Variants in SLX9 observed in about 807,000 individuals in gnomAD.
The protein encoded by SLX9 is SLX9 ribosome biogenesis factor, also known as ribosome biogenesis protein SLX9 homolog.
A neutral mutation model predicts 20.8 loss-of-function variants in SLX9; 19 were observed. The observed-to-expected ratio is 0.91, with a 90% CI of 0.64 to 1.34. The LOEUF (loss-of-function observed/expected upper bound fraction) is 1.34, where lower values mean the gene tolerates loss of function less well. Ranked by LOEUF, SLX9 falls within the 40% of genes most tolerant of loss-of-function variation. The pLI, the probability that SLX9 is intolerant of heterozygous loss-of-function variation, is 0.00. For missense variants in SLX9, 299 were observed against 322.2 expected, an observed-to-expected ratio of 0.93 and a Z score of 0.55; for synonymous variants, 113 against 137.1, an observed-to-expected ratio of 0.82 and a Z score of 1.23.
intron 2 of SLX9, among the ~76,000 whole-genome samples, chr21:44,945,843 G>A (rs1037461624): frequency 3.3e-5 from 5 of 152,180 alleles, no homozygotes; most frequent in Admixed American, 1.3e-4. Flanking sequence ...CCTGAGTAGC[G>A]GGGACGGGAC....
intron 5 of SLX9, 70 bp downstream of exon 5, chr21:44,973,335 G>C (rs1205923585): frequency 1.3e-6 from 2 of 1,498,814 alleles, no homozygotes; most frequent in African/African-American, 1.4e-5. Context: ...CCCTCTCCAG[G>C]GGTTCAGCTC....
intron 2 of SLX9, among the ~76,000 whole-genome samples, chr21:44,946,445 A>G (rs1388816800): frequency 6.7e-6 from 1 of 150,282 alleles, no homozygotes; most frequent in Non-Finnish European, 1.5e-5. Context: ...GAATTATTTG[A>G]GCCGTGCGGC....
At chr21:44,955,005 G>A (rs982841624) in intron 2 of SLX9, among the ~76,000 whole-genome samples, 13 of 152,112 alleles carry the variant, frequency 8.5e-5, no homozygotes, top group Non-Finnish European at 1.8e-4. Context: ...CTTGAGGTCA[G>A]GAGTTTGAGA....
At chr21:44,956,121 C>T (rs577189160) in intron 2 of SLX9, among the ~76,000 whole-genome samples, 12 of 152,304 alleles carry the variant, frequency 7.9e-5, no homozygotes, top group South Asian at 4.1e-4. Flanking sequence ...TTTTTCTTTT[C>T]GGCTGTTGAT....
chr21:44,945,436 A>G (rs1427607852), intron 2 of SLX9, among the ~76,000 whole-genome samples: 1 of 152,162 alleles, frequency 6.6e-6, no homozygotes, highest in Non-Finnish European at 1.5e-5. Context: ...GCTCTTTCAC[A>G]CAGCAGCCTC....
At chr21:44,971,308 C>T (rs776793099) in intron 4 of SLX9, among the ~76,000 whole-genome samples, 2 of 152,226 alleles carry the variant, frequency 1.3e-5, no homozygotes, top group Non-Finnish European at 2.9e-5. Context: ...AGTCGCGTCC[C>T]TGCCGGTGCT....
intron 1 of SLX9, among the ~76,000 whole-genome samples, chr21:44,943,247 C>T (rs971690125): frequency 6.6e-6 from 1 of 152,188 alleles, no homozygotes; most frequent in Non-Finnish European, 1.5e-5. Context: ...GCTGAGATGA[C>T]TAGTTCTGAT....
rs1172119845 is a variant in SLX9, at chr21:44,940,073, G to A, written c.16G>A (p.Gly6Arg). ...CGCCGGGAAGATGGGGAAAGTGAGGGGGTTGCGCGCCCGAGTGCACCAGGC... is the reference window on the plus strand; with the variant it reads ...CGCCGGGAAGATGGGGAAAGTGAGGAGGTTGCGCGCCCGAGTGCACCAGGC... MGKVR[G>R]LRARVHQAAV... The change falls in exon 1 of 6, where the codon GGG (glycine) becomes AGG (arginine). Residue 6 changes from glycine (G) to arginine (R), a missense_variant. Gly to Arg is a moderately radical substitution (Grantham distance 125). Transcript: ENST00000291634. 2 of 1,461,932 alleles carry A rather than the reference G, an allele frequency of 1.4e-6. No homozygotes were observed. The highest frequency in any genetic ancestry group is 1.4e-5 in the South Asian group (1 of 71,956). 90.6% of individuals were successfully genotyped at this position (1,461,932 alleles called of 1,614,324 possible).
chr21:44,950,395 C>T (rs375962601), intron 2 of SLX9, among the ~76,000 whole-genome samples: 4 of 152,310 alleles, frequency 2.6e-5, no homozygotes, highest in African/African-American at 9.6e-5. Context: ...TCTGTGGAAG[C>T]GAGGCTTGGG....
chr21:44,969,695 C>T (rs1021205648), intron 4 of SLX9, among the ~76,000 whole-genome samples: 1 of 152,220 alleles, frequency 6.6e-6, no homozygotes, highest in Non-Finnish European at 1.5e-5. Flanking sequence ...GAGTGTGGTA[C>T]GTTCGTCACA....
chr21:44,968,527 C>G (rs1180307889), intron 4 of SLX9, among the ~76,000 whole-genome samples: 2 of 152,206 alleles, frequency 1.3e-5, no homozygotes, highest in Non-Finnish European at 2.9e-5. Flanking sequence ...CTCCCAGGAG[C>G]TTGGCTTTCA....
intron 5 of SLX9, among the ~76,000 whole-genome samples, chr21:44,975,659 T>G (rs543701216): frequency 6.6e-6 from 1 of 152,236 alleles, no homozygotes; most frequent in Non-Finnish European, 1.5e-5. Flanking sequence ...TGGGTCCTGG[T>G]AGCCCCAGAG....
At chr21:44,957,663 T>C (rs956820431) in intron 2 of SLX9, among the ~76,000 whole-genome samples, 2 of 151,756 alleles carry the variant, frequency 1.3e-5, no homozygotes, top group Non-Finnish European at 2.9e-5. Flanking sequence ...TTCCACCGAG[T>C]GTGAGGGGGA....
chr21:44,961,180 T>C (rs2084944034), intron 3 of SLX9, among the ~76,000 whole-genome samples: 1 of 152,228 alleles, frequency 6.6e-6, no homozygotes, highest in African/African-American at 2.4e-5. Context: ...TGGACCCTGA[T>C]TTTCTAGGCT....
intron 3 of SLX9, among the ~76,000 whole-genome samples, chr21:44,962,574 G>A (rs1050969890): frequency 1.3e-5 from 2 of 152,218 alleles, no homozygotes; most frequent in African/African-American, 2.4e-5. Context: ...CTTTCCTGCT[G>A]ATGGGCACCT....
At chr21:44,963,438 T>C (rs898733801) in intron 3 of SLX9, among the ~76,000 whole-genome samples, 4 of 151,956 alleles carry the variant, frequency 2.6e-5, no homozygotes, top group African/African-American at 9.7e-5. Context: ...TATTAGTTAT[T>C]GTGTGTGTGT....
intron 2 of SLX9, among the ~76,000 whole-genome samples, chr21:44,949,097 G>A (rs1469225821): frequency 1.3e-5 from 2 of 152,188 alleles, no homozygotes; most frequent in Admixed American, 6.5e-5. Flanking sequence ...TGGAGTGGGC[G>A]TTGGAAGCAG....
chr21:44,972,620 A>G (rs529146913), intron 4 of SLX9, among the ~76,000 whole-genome samples: 91 of 152,290 alleles, frequency 6.0e-4, no homozygotes, highest in African/African-American at 2.2e-3. Flanking sequence ...CCCCAAGTTC[A>G]GTCATCAGGA....
At chr21:44,967,702 C>T (rs559871668) in intron 4 of SLX9, among the ~76,000 whole-genome samples, 5 of 152,340 alleles carry the variant, frequency 3.3e-5, no homozygotes, top group South Asian at 4.1e-4. Context: ...GAGGGTGGCC[C>T]GTGAGGACGG....
Sources: allele counts gnomAD v4.1 joint callset (sites outside exome capture counted in the v4.1 genomes callset), GRCh38; gene constraint gnomAD v4.1.1; transcripts MANE v1.5; gene names NCBI Gene and HGNC (gene_info 2026-07-23, HGNC 2026-07-21).